The following CTNNA3 variants were observed in gnomAD, a reference collection of about 807,000 sequenced individuals.
CTNNA3 encodes catenin alpha-3.
Under a neutral mutation model 95.7 loss-of-function variants are expected in CTNNA3, and 76 were observed. That is an observed-to-expected ratio of 0.79 (90% CI 0.66 to 0.96). The LOEUF is 0.96. CTNNA3 is among the 40% of genes least tolerant of loss of function. The probability of loss-of-function intolerance (pLI) is 0.00; values close to 1 mark genes in which losing one functional copy is unlikely to be tolerated. For synonymous variants in CTNNA3, 431 were observed against 374.4 expected (o/e 1.15, Z -1.74); for missense variants, 1,191 against 1,089.8 (o/e 1.09, Z -1.31).
chr10:67,070,293 G>A (rs1229544972), intron 7 of CTNNA3, among the ~76,000 whole-genome samples: 4 of 151,962 alleles, frequency 2.6e-5, no homozygotes, highest in Non-Finnish European at 4.4e-5. Context: ...TATGTAATCT[G>A]AATGAGTCAT....
chr10:67,470,199 T>C (rs1027996629), intron 5 of CTNNA3, among the ~76,000 whole-genome samples: 11 of 152,226 alleles, frequency 7.2e-5, no homozygotes, highest in African/African-American at 2.7e-4. Context: ...GAACATGTGA[T>C]GTTTGTCTTT....
intron 7 of CTNNA3, among the ~76,000 whole-genome samples, chr10:66,945,144 TCTC>T (rs962215172): frequency 2.6e-5 from 4 of 152,170 alleles, no homozygotes; most frequent in African/African-American, 7.2e-5. Flanking sequence ...GGCATTGACT[TCTC>T]CTCTCTAGCT....
chr10:66,641,726 C>T (rs1299219589), intron 9 of CTNNA3, among the ~76,000 whole-genome samples: 1 of 152,050 alleles, frequency 6.6e-6, no homozygotes, highest in Non-Finnish European at 1.5e-5. Context: ...GAATCCAGGA[C>T]CCCTGCCCTG....
intron 1 of CTNNA3, chr10:67,750,912 C>T (rs926318439): frequency 2.5e-6 from 4 of 1,610,096 alleles, no homozygotes; most frequent in Admixed American, 3.3e-5. Flanking sequence ...TTATGGCCTA[C>T]AGCCCCCTAG....
intron 7 of CTNNA3, among the ~76,000 whole-genome samples, chr10:67,128,669 TG>T (rs1432912160): frequency 6.6e-6 from 1 of 152,144 alleles, no homozygotes; most frequent in Admixed American, 6.6e-5. Context: ...GGCAAAGGTT[TG>T]GGCATTAAGT....
At chr10:66,829,184 A>G (rs1211877825) in intron 7 of CTNNA3, among the ~76,000 whole-genome samples, 1 of 152,240 alleles carries the variant, frequency 6.6e-6, no homozygotes, top group Non-Finnish European at 1.5e-5. Context: ...GCAAGTTCTA[A>G]GGGCTGTTAA....
intron 9 of CTNNA3, among the ~76,000 whole-genome samples, chr10:66,692,663 G>T (rs1305302178): frequency 6.6e-6 from 1 of 152,138 alleles, no homozygotes; most frequent in Admixed American, 6.5e-5. Context: ...ATAATTGTCA[G>T]ATTCACCAAA....
At chr10:67,116,735 TA>T (rs1564902091) in intron 7 of CTNNA3, among the ~76,000 whole-genome samples, 8 of 147,710 alleles carry the variant, frequency 5.4e-5, no homozygotes, top group Non-Finnish European at 1.2e-4. Context: ...TATATATATA[TA>T]TATATATAAT....
intron 11 of CTNNA3, among the ~76,000 whole-genome samples, chr10:66,436,272 G>C (rs2093337255): frequency 6.6e-6 from 1 of 151,916 alleles, no homozygotes; most frequent in Non-Finnish European, 1.5e-5. Context: ...ATGACAGTGG[G>C]GTGTAAAAGT....
At chr10:67,103,379 A>T (rs897552956) in intron 7 of CTNNA3, among the ~76,000 whole-genome samples, 3 of 151,440 alleles carry the variant, frequency 2.0e-5, no homozygotes, top group Non-Finnish European at 3.0e-5. Flanking sequence ...TTCCCCATTA[A>T]CTCTTTCGAG....
intron 7 of CTNNA3, among the ~76,000 whole-genome samples, chr10:66,985,954 C>T (rs943601696): frequency 3.3e-5 from 5 of 152,064 alleles, no homozygotes; most frequent in Non-Finnish European, 7.4e-5. Context: ...TCTCGATCTC[C>T]TGACCTCATG....
chr10:66,476,204 TATC>T (rs1480841502), intron 11 of CTNNA3, among the ~76,000 whole-genome samples: 1 of 151,738 alleles, frequency 6.6e-6, no homozygotes, highest in African/African-American at 2.4e-5. Flanking sequence ...ACATGAGTCT[TATC>T]AGCAGGAACG....
intron 1 of CTNNA3, among the ~76,000 whole-genome samples, chr10:67,736,100 A>C (rs1300147639): frequency 6.6e-6 from 1 of 152,148 alleles, no homozygotes; most frequent in Non-Finnish European, 1.5e-5. Context: ...ACAATGAAAT[A>C]TTATTTAGCC....
chr10:66,103,098 G>A, intron 14 of CTNNA3, 59 bp downstream of exon 14: 1 of 1,386,100 alleles, frequency 7.2e-7, no homozygotes, highest in Non-Finnish European at 1.0e-6. Flanking sequence ...ATTGACAAAG[G>A]GAGGGCACAG....
At chr10:66,987,156 A>G (rs1444380141) in intron 7 of CTNNA3, among the ~76,000 whole-genome samples, 1 of 152,182 alleles carries the variant, frequency 6.6e-6, no homozygotes, top group Non-Finnish European at 1.5e-5. Flanking sequence ...AGGTTTTGAA[A>G]CACGGACACA....
intron 7 of CTNNA3, among the ~76,000 whole-genome samples, chr10:66,978,552 A>AAATAAAAAAAAAATATATATAT: frequency 2.6e-5 from 1 of 37,866 alleles, no homozygotes; most frequent in African/African-American, 8.7e-5. Flanking sequence ...AAAAAAAAAA[A>AAATAAAAAAAAAATATATATAT]ATATATATAT....
intron 9 of CTNNA3, among the ~76,000 whole-genome samples, chr10:66,667,200 T>TC (rs1846484869): frequency 6.6e-6 from 1 of 151,864 alleles, no homozygotes; most frequent in Admixed American, 6.6e-5. Flanking sequence ...ATTTTTTTTT[T>TC]GCCTAATTTT....
At chr10:66,638,696 G>A (rs1228674686) in intron 9 of CTNNA3, among the ~76,000 whole-genome samples, 1 of 151,936 alleles carries the variant, frequency 6.6e-6, no homozygotes, top group Non-Finnish European at 1.5e-5. Context: ...ATGTACTGCT[G>A]TGATCACAGC....
chr10:66,950,810 G>A (rs900225708), intron 7 of CTNNA3, among the ~76,000 whole-genome samples: 1 of 152,104 alleles, frequency 6.6e-6, no homozygotes, highest in Non-Finnish European at 1.5e-5. Flanking sequence ...CACTGTGTGA[G>A]GGGCATAGAG....
Sources: allele counts gnomAD v4.1 joint callset (sites outside exome capture counted in the v4.1 genomes callset), GRCh38; gene constraint gnomAD v4.1.1; transcripts MANE v1.5; gene names NCBI Gene and HGNC (gene_info 2026-07-23, HGNC 2026-07-21).